MON2: variants seen among roughly 807,000 people sequenced by gnomAD.
The protein encoded by MON2 is protein MON2 homolog.
MON2 carries 84 observed loss-of-function variants against 208.6 expected under a neutral mutation model. The observed-to-expected ratio is 0.40, with a 90% confidence interval of 0.34 to 0.48. The LOEUF is 0.48. Ranked by LOEUF, MON2 falls within the 20% of genes least tolerant of loss-of-function variation. The pLI is 0.59. For missense variants in MON2, 1,611 were observed against 2,015.4 expected, an observed-to-expected ratio of 0.80 and a Z score of 3.84; for synonymous variants, 660 against 694.0, an observed-to-expected ratio of 0.95 and a Z score of 0.77.
At chr12:62,516,612 G>A (rs541261057) in intron 8 of MON2, among the ~76,000 whole-genome samples, 4 of 152,324 alleles carry the variant, frequency 2.6e-5, no homozygotes, top group African/African-American at 7.2e-5. Context: ...GCTGAGGCAG[G>A]AGAATCGCTT....
At chr12:62,581,602 G>A (rs530877093) in intron 32 of MON2, among the ~76,000 whole-genome samples, 6 of 152,114 alleles carry the variant, frequency 3.9e-5, no homozygotes, top group South Asian at 2.1e-4. Context: ...TTGGGAGGCC[G>A]AGACGGGCAG....
chr12:62,600,077 G>A lies in MON2; in HGVS notation c.*7328G>A, dbSNP rs2075594807. 6.6e-6 allele frequency: 1 copy of A among 152,204 alleles called. No individual in the cohort carries two copies. The highest frequency in any genetic ancestry group is 1.5e-5 in the Non-Finnish European group (1 of 68,030). The allele number at this position is 152,204 out of a possible 1,614,324, so 9.4% of individuals were successfully genotyped here. On this transcript the variant is annotated 3_prime_UTR_variant, in exon 35 of 35. Transcript: ENST00000393630. ...CCAACTCTGTTATTTTACTAAATGT[G>A]TGACCTTGGGCAAGTTAATTAACCT... is the stretch of plus-strand genomic sequence containing the variant.
intron 1 of MON2, among the ~76,000 whole-genome samples, chr12:62,478,109 T>G (rs1366459425): frequency 1.3e-5 from 2 of 148,490 alleles, no homozygotes; most frequent in Non-Finnish European, 3.0e-5. Context: ...AATTGGCACT[T>G]GTAGATATAA....
intron 23 of MON2, 51 bp downstream of exon 23, chr12:62,549,881 T>C (rs2136294836): frequency 7.9e-7 from 1 of 1,272,792 alleles, no homozygotes; most frequent in East Asian, 2.6e-5. Context: ...TCATTGTTAT[T>C]CAGTTGGGAG....
chr12:62,593,559 A>G lies in MON2; in HGVS notation c.*810A>G, dbSNP rs2075458839. 6.6e-6 allele frequency: 1 copy of G among 152,598 alleles called. No individual in the cohort carries two copies. The highest frequency in any genetic ancestry group is 1.5e-5 in the Non-Finnish European group (1 of 67,996). The allele number at this position is 152,598 out of a possible 1,614,324, so 9.5% of individuals were successfully genotyped here. On this transcript the variant is annotated 3_prime_UTR_variant, in exon 35 of 35. Coordinates refer to ENST00000393630, the MANE Select transcript of MON2 (RefSeq NM_015026.3). ...TGAAATATAGGTTCTTAATACATTG[A>G]TACATATTGTAGCACTATGACTTCA...
At position 62,537,260 on chromosome 12, in the gene MON2, A is replaced by G. The variant is rs746346448; in HGVS notation, c.2010A>G (p.Val670=). The part of the protein sequence containing the change: ...QPLAVQPQGT[V]MLTSKNIQCM... ...TAGCAGTCCAGCCTCAAGGGACAGTAATGGTAATGTACTTGTATTTTTCTT... is the reference window on the plus strand; with the variant it reads ...TAGCAGTCCAGCCTCAAGGGACAGTGATGGTAATGTACTTGTATTTTTCTT... The change falls in exon 15 of 35, where the codon GTA becomes GTG. Residue 670 remains valine, a synonymous_variant. Transcript: ENST00000393630. The G allele has an allele frequency of 1.3e-6, 2 of 1,596,182 alleles. No homozygotes were observed. Among genetic ancestry groups the G allele is most frequent in the Non-Finnish European group, 1.7e-6 (2 of 1,165,038 alleles).
chr12:62,580,509 T>C (rs2074965326), intron 32 of MON2, 89 bp downstream of exon 32: 2 of 1,165,752 alleles, frequency 1.7e-6, no homozygotes, highest in East Asian at 4.9e-5. Flanking sequence ...ATTTTGGTAA[T>C]GTAAACTGGA....
chr12:62,504,621 C>A (rs2071012416), intron 7 of MON2, among the ~76,000 whole-genome samples: 1 of 152,150 alleles, frequency 6.6e-6, no homozygotes, highest in East Asian at 1.9e-4. Context: ...GGGAAGAATT[C>A]TCTGTGTAAG....
rs766167260 is a variant in MON2, at chr12:62,546,995, G to T, written c.2676G>T (p.Leu892=). 6.2e-7 allele frequency: 1 copy of T among 1,612,842 alleles called. No homozygotes were observed. Among genetic ancestry groups the T allele is most frequent in the African/African-American group, 1.3e-5 (1 of 74,854 alleles). ...AGTTAGAATGCGTGTTGCAGATTCT[G>T]CAGAGTCAGGGAGACAGTCTTGGGC... ...LKQLECVLQI[L]QSQGDSLGPG... The change falls in exon 22 of 35, where the codon CTG becomes CTT. Residue 892 remains leucine, a synonymous_variant. Coordinates refer to ENST00000393630, the MANE Select transcript of MON2 (RefSeq NM_015026.3).
chr12:62,536,674 T>A (rs965377194), intron 14 of MON2, among the ~76,000 whole-genome samples: 1 of 151,752 alleles, frequency 6.6e-6, no homozygotes, highest in Admixed American at 6.6e-5. Flanking sequence ...TTGTACCTCA[T>A]GAAGTTTTTG....
At chr12:62,580,192 C>T (rs1211082471) in intron 31 of MON2, 105 bp from the exon 32 acceptor site, 1 of 1,110,032 alleles carries the variant, frequency 9.0e-7, no homozygotes, top group East Asian at 2.6e-5. Flanking sequence ...AAGGAGAGTT[C>T]TTTAACTGAT....
intron 2 of MON2, among the ~76,000 whole-genome samples, chr12:62,490,870 T>C (rs920990175): frequency 2.6e-5 from 4 of 152,166 alleles, no homozygotes; most frequent in African/African-American, 9.7e-5. Context: ...TTATCTCGGC[T>C]TGATAGACCT....
At chr12:62,536,201 A>G (rs2072958582) in intron 14 of MON2, among the ~76,000 whole-genome samples, 1 of 145,168 alleles carries the variant, frequency 6.9e-6, no homozygotes, top group Non-Finnish European at 1.5e-5. Context: ...AAACTATGAG[A>G]TACCATTGAA....
In MON2 at chr12:62,573,394, C is replaced by CT. The variant is rs778858180; in HGVS notation, c.4514+1827dup. Among the ~76,000 whole-genome samples the CT allele has an allele frequency of 4.9e-3, 662 of 134,066 alleles. 5 individuals carry two copies. Among genetic ancestry groups the CT allele is most frequent in the African/African-American group, 0.011 (406 of 36,806 alleles). The allele number at this position is 134,066 out of a possible 152,430, so 88.0% of individuals were successfully genotyped here. A position where few individuals can be genotyped will look rare whatever the true frequency, so the allele number is the denominator to read the frequency against. On this transcript the variant is annotated intron_variant, in intron 30 of 34. Coordinates refer to ENST00000393630, the MANE Select transcript of MON2 (RefSeq NM_015026.3). Reference sequence around the variant, plus strand: ...CAAATTGAATAAGCTTTCAGATCAGCTTTTTTTTTTTTTTTGCAATGAGTA... The same window carrying CT: ...CAAATTGAATAAGCTTTCAGATCAGCTTTTTTTTTTTTTTTTGCAATGAGTA...
In MON2 at chr12:62,526,086, A is replaced by G. The variant is rs1341409726; in HGVS notation, c.1384A>G (p.Ser462Gly). 5 of 1,613,616 alleles carry G rather than the reference A, an allele frequency of 3.1e-6. No individual in the cohort carries two copies. Among genetic ancestry groups the G allele is most frequent in the Admixed American group, 1.7e-5 (1 of 59,968 alleles). ...IPILTITVQG[S>G]AKATYLEMLD... ...TATTCTGACAATCACAGTTCAAGGC[A>G]GTGCTAAAGCCACCTAGTAAGTAGT... Residue 462 changes from serine to glycine, a missense_variant, in exon 11 of 35, where the codon AGT (serine) becomes GGT (glycine). Physicochemically the swap from Ser to Gly is moderately conservative, Grantham distance 56. Coordinates refer to ENST00000393630, the MANE Select transcript of MON2 (RefSeq NM_015026.3).
chr12:62,525,679 A>T (rs1311041109), intron 10 of MON2, among the ~76,000 whole-genome samples: 1 of 152,118 alleles, frequency 6.6e-6, no homozygotes, highest in Non-Finnish European at 1.5e-5. Flanking sequence ...CCCACTTCTG[A>T]TAAAAAGTGG....
rs1055781967 is a variant in MON2, at chr12:62,466,954, G to C, written c.-254G>C. 2 of 522,092 alleles carry C rather than the reference G, an allele frequency of 3.8e-6. No individual in the cohort carries two copies. The highest frequency in any genetic ancestry group is 4.0e-5 in the African/African-American group (2 of 50,552). 32.3% of individuals were successfully genotyped at this position (522,092 alleles called of 1,614,324 possible). A position where few individuals can be genotyped will look rare whatever the true frequency, so the allele number is the denominator to read the frequency against. On this transcript the variant is annotated 5_prime_UTR_variant, in exon 1 of 35. Transcript: ENST00000393630. ...AGCGGAGGGACCTGCCCGCCTTGTG[G>C]GTTTCTCGGCCAGAGTCGGCGGAGC...
chr12:62,537,575 T>G (rs2073037446), intron 15 of MON2, 27 bp from the exon 16 acceptor site: 1 of 1,503,842 alleles, frequency 6.6e-7, no homozygotes, highest in Admixed American at 1.9e-5. Context: ...TAACAATTAT[T>G]GAAAATGTAT....
Position 62,525,231 on chromosome 12 carries a change from A to G in MON2, c.1246+11A>G, listed in dbSNP as rs200919973. Reference sequence around the variant, plus strand: ...CAAGCAACCAAGCTGGTAAAAACATATTCATAATTTTGTTTCTTATATTCT... The same window carrying G: ...CAAGCAACCAAGCTGGTAAAAACATGTTCATAATTTTGTTTCTTATATTCT... On this transcript the variant is annotated intron_variant, in intron 10 of 34. Transcript: ENST00000393630. 1.4e-4 allele frequency: 227 copies of G among 1,612,438 alleles called. No individual in the cohort carries two copies. The African/African-American group carries it at 2.8e-3, about 20-fold the overall frequency.
Sources: gnomAD v4.1 joint callset for allele counts (sites outside exome capture counted in the v4.1 genomes callset) on GRCh38, gnomAD v4.1.1 for gene constraint, MANE v1.5 for transcripts, NCBI Gene and HGNC (gene_info 2026-07-23, HGNC 2026-07-21) for gene names.